FNIP2: variants seen among roughly 807,000 people sequenced by gnomAD.
FNIP2 encodes the protein folliculin-interacting protein 2.
FNIP2 carries 32 observed loss-of-function variants against 108.7 expected under a neutral mutation model. That is an observed-to-expected ratio of 0.29 (90% CI 0.22 to 0.40). The LOEUF is 0.40. Ranked by LOEUF, FNIP2 falls within the 10% of genes least tolerant of loss-of-function variation. The pLI is 1.00. For synonymous variants in FNIP2, 480 were observed against 496.7 expected (o/e 0.97, Z 0.45); for missense variants, 1,202 against 1,381.6 (o/e 0.87, Z 2.06).
chr4:158,900,935 G>A (rs962210892), intron 16 of FNIP2, among the ~76,000 whole-genome samples: 2 of 152,068 alleles, frequency 1.3e-5, no homozygotes, highest in Non-Finnish European at 2.9e-5. Context: ...AGTGTTGATG[G>A]TCTTTACAAT....
chr4:158,851,182 G>A (rs1235978925), intron 7 of FNIP2, 139 bp from the exon 8 acceptor site: 10 of 923,188 alleles, frequency 1.1e-5, no homozygotes, highest in African/African-American at 5.0e-5. Context: ...TTTTAGTGGC[G>A]AAGTGTACAG....
chr4:158,779,416 AAAC>A (rs1476930691), intron 1 of FNIP2, among the ~76,000 whole-genome samples: 1 of 152,200 alleles, frequency 6.6e-6, no homozygotes, highest in Non-Finnish European at 1.5e-5. Context: ...TGTTAAATGA[AAAC>A]AACCAGCAAC....
intron 12 of FNIP2, among the ~76,000 whole-genome samples, chr4:158,866,008 TTCCGATGG>T (rs1292115169): frequency 2.6e-5 from 4 of 151,174 alleles, no homozygotes; most frequent in Admixed American, 1.3e-4. Flanking sequence ...GGGAGGTACT[TTCCGATGG>T]TTCTCATAAC....
chr4:158,889,805 C>G, intron 14 of FNIP2: 1 of 891,330 alleles, frequency 1.1e-6, no homozygotes, highest in Non-Finnish European at 1.3e-6. Flanking sequence ...TTCAAATTTC[C>G]TTTTTTTTTT....
At chr4:158,877,634 C>T (rs539724138) in intron 14 of FNIP2, among the ~76,000 whole-genome samples, 3 of 152,256 alleles carry the variant, frequency 2.0e-5, no homozygotes, top group South Asian at 4.1e-4. Flanking sequence ...TTCAGGTGGT[C>T]GAGATAACTC....
At chr4:158,802,256 G>A (rs1031431981) in intron 1 of FNIP2, among the ~76,000 whole-genome samples, 2 of 152,024 alleles carry the variant, frequency 1.3e-5, no homozygotes, top group African/African-American at 4.8e-5. Context: ...GGAATTACCC[G>A]GATAAAGAGG....
rs868569897 is a variant in FNIP2, at chr4:158,874,492, C to A, written c.2949+4023C>A. ...CAATATAGCAAAATCCCATCTCTAG[C>A]AAAAAAAAAAAAATAGCTAGGCATG... On this transcript the variant is annotated intron_variant, in intron 14 of 16. Coordinates refer to ENST00000264433, the MANE Select transcript of FNIP2 (RefSeq NM_020840.3). Among the ~76,000 whole-genome samples the A allele has an allele frequency of 1.5e-3, 133 of 91,390 alleles. 1 individual carries two copies. The highest frequency in any genetic ancestry group is 1.2e-3 in the Non-Finnish European group (58 of 48,446). The allele number at this position is 91,390 out of a possible 152,430, so 60.0% of individuals were successfully genotyped here. A position where few individuals can be genotyped will look rare whatever the true frequency, so the allele number is the denominator to read the frequency against.
chr4:158,807,051 G>C (rs1031770102), intron 1 of FNIP2, among the ~76,000 whole-genome samples: 1 of 152,038 alleles, frequency 6.6e-6, no homozygotes, highest in Non-Finnish European at 1.5e-5. Flanking sequence ...TTTATTATTA[G>C]TGGTACTTAA....
intron 14 of FNIP2, among the ~76,000 whole-genome samples, chr4:158,873,009 T>C (rs376304062): frequency 1.3e-5 from 2 of 152,254 alleles, no homozygotes; most frequent in East Asian, 3.9e-4. Context: ...AAACCTGTTT[T>C]TTAAGTTGGG....
At chr4:158,774,687 C>T (rs1399038811) in intron 1 of FNIP2, among the ~76,000 whole-genome samples, 1 of 152,126 alleles carries the variant, frequency 6.6e-6, no homozygotes, top group Non-Finnish European at 1.5e-5. Flanking sequence ...TTGACAGGGT[C>T]GCTACTTCAC....
chr4:158,838,718 C>T (rs967499851), intron 7 of FNIP2, among the ~76,000 whole-genome samples: 1 of 152,074 alleles, frequency 6.6e-6, no homozygotes, highest in African/African-American at 2.4e-5. Context: ...ATTAATGAAC[C>T]AATGCTGATA....
chr4:158,903,720 G>A (rs551021835), intron 16 of FNIP2, among the ~76,000 whole-genome samples: 97 of 152,282 alleles, frequency 6.4e-4, no homozygotes, highest in African/African-American at 2.3e-3. Context: ...AAAACCCCAT[G>A]AGGTAATGCC....
At chr4:158,828,800 CAG>C (rs1173255022) in intron 2 of FNIP2, among the ~76,000 whole-genome samples, 1 of 152,130 alleles carries the variant, frequency 6.6e-6, no homozygotes, top group African/African-American at 2.4e-5. Context: ...ATAACCAAAA[CAG>C]AGGTCAATTA....
At chr4:158,841,096 C>T (rs757024757) in intron 7 of FNIP2, among the ~76,000 whole-genome samples, 24 of 149,742 alleles carry the variant, frequency 1.6e-4, no homozygotes, top group Non-Finnish European at 3.3e-4. Flanking sequence ...GATGACTCTA[C>T]ATGCACACAC....
intron 1 of FNIP2, among the ~76,000 whole-genome samples, chr4:158,774,364 A>G (rs1775793466): frequency 6.6e-6 from 1 of 152,196 alleles, no homozygotes; most frequent in South Asian, 2.1e-4. Flanking sequence ...GGATTATTTT[A>G]AACCTAAATA....
Position 158,891,572 on chromosome 4 carries a change from C to T in FNIP2, c.3076C>T (p.Leu1026=). The T allele has an allele frequency of 6.2e-7, 1 of 1,612,596 alleles. No individual in the cohort carries two copies. Among genetic ancestry groups the T allele is most frequent in the South Asian group, 1.1e-5 (1 of 90,720 alleles). The change falls in exon 15 of 17, where the codon CTG becomes TTG. Residue 1026 remains leucine, a synonymous_variant. Coordinates refer to ENST00000264433, the MANE Select transcript of FNIP2 (RefSeq NM_020840.3). ...CAACATGAAACTAGGCCAGGATGTC[C>T]TGGTCTCTAGTCAGGTGTCCAGTTT... ...TDNMKLGQDV[L]VSSQVSSLLQ...
chr4:158,828,619 A>G (rs1332306904), intron 2 of FNIP2, among the ~76,000 whole-genome samples: 1 of 152,150 alleles, frequency 6.6e-6, no homozygotes, highest in Non-Finnish European at 1.5e-5. Flanking sequence ...CATCTCACAA[A>G]CAAACAAACA....
chr4:158,825,113 C>T (rs996829016), intron 1 of FNIP2, among the ~76,000 whole-genome samples: 6 of 152,232 alleles, frequency 3.9e-5, no homozygotes, highest in African/African-American at 1.4e-4. Context: ...GCAGCAACCA[C>T]AGTGCCTGGA....
intron 1 of FNIP2, among the ~76,000 whole-genome samples, chr4:158,815,264 CCTT>C (rs1264104328): frequency 1.3e-5 from 2 of 152,198 alleles, no homozygotes; most frequent in African/African-American, 4.8e-5. Flanking sequence ...AGTCTACACT[CCTT>C]CTCACTATGC....
Sources: gnomAD v4.1 joint callset for allele counts (sites outside exome capture counted in the v4.1 genomes callset) on GRCh38, gnomAD v4.1.1 for gene constraint, MANE v1.5 for transcripts, NCBI Gene and HGNC (gene_info 2026-07-23, HGNC 2026-07-21) for gene names.